The following PCDHGA8 variants were observed in gnomAD, a reference collection of about 807,000 sequenced individuals.
PCDHGA8 encodes protocadherin gamma subfamily A, 8.
In PCDHGA8, 45 loss-of-function variants were observed where a neutral mutation model predicts 59.2. The ratio of observed to expected loss-of-function variants is 0.76; its 90% CI spans 0.60 to 0.98. The LOEUF (loss-of-function observed/expected upper bound fraction) is 0.98. PCDHGA8 is among the 50% of genes least tolerant of loss of function. The pLI, the probability that PCDHGA8 is intolerant of heterozygous loss-of-function variation, is 0.00. For missense variants in PCDHGA8, 1,257 were observed against 1,196.2 expected, an observed-to-expected ratio of 1.05 and a Z score of -0.75; for synonymous variants, 531 against 519.0, an observed-to-expected ratio of 1.02 and a Z score of -0.32.
chr5:141,512,241 G>A lies in PCDHGA8; in HGVS notation c.*1068G>A, dbSNP rs533051658. On this transcript the variant is annotated 3_prime_UTR_variant, in exon 4 of 4. Coordinates refer to ENST00000398604, the MANE Select transcript of PCDHGA8 (RefSeq NM_032088.2). ...CCAGGTCCCCTTGAGAGGTCAGAGGGGCCTCTGTGGGTGCTGGGTACTCCA... is the reference window on the plus strand; with the variant it reads ...CCAGGTCCCCTTGAGAGGTCAGAGGAGCCTCTGTGGGTGCTGGGTACTCCA... 1 of 152,866 alleles carries A rather than the reference G, an allele frequency of 6.5e-6. No individual in the cohort carries two copies. The highest frequency in any genetic ancestry group is 2.1e-4 in the South Asian group (1 of 4,824). 9.5% of individuals were successfully genotyped at this position (152,866 alleles called of 1,614,324 possible).
chr5:141,396,962 T>C (rs2150689685), intron 1 of PCDHGA8, among the ~76,000 whole-genome samples: 1 of 152,308 alleles, frequency 6.6e-6, no homozygotes, highest in South Asian at 2.1e-4. Flanking sequence ...ATCCTTACTC[T>C]CCCTAAAAAT....
At chr5:141,447,837 G>A (rs952923627) in intron 1 of PCDHGA8, among the ~76,000 whole-genome samples, 10 of 152,170 alleles carry the variant, frequency 6.6e-5, no homozygotes, top group African/African-American at 2.4e-4. Flanking sequence ...TGTAATCCCA[G>A]TGCTTTGGGA....
chr5:141,471,972 T>C (rs952480654), intron 1 of PCDHGA8, among the ~76,000 whole-genome samples: 1 of 152,212 alleles, frequency 6.6e-6, no homozygotes, highest in South Asian at 2.1e-4. Context: ...GTTGCATTAC[T>C]GTATAAATTT....
chr5:141,415,761 T>TG (rs1485369884), intron 1 of PCDHGA8: 1 of 1,399,490 alleles, frequency 7.1e-7, no homozygotes, highest in Non-Finnish European at 9.3e-7. Flanking sequence ...TTTTTTTTTT[T>TG]TTTTTTTTTT....
chr5:141,466,121 C>CA (rs908379481), intron 1 of PCDHGA8, among the ~76,000 whole-genome samples: 24 of 146,876 alleles, frequency 1.6e-4, no homozygotes, highest in East Asian at 8.0e-4. Context: ...GACTCCAGCT[C>CA]AAAAAAAAAA....
intron 1 of PCDHGA8, chr5:141,398,136 C>G: frequency 6.4e-7 from 1 of 1,556,004 alleles, no homozygotes; most frequent in Non-Finnish European, 8.6e-7. Flanking sequence ...GGATGGGGAG[C>G]GGCGCCGGGG....
In PCDHGA8 at chr5:141,395,196, G is replaced by T. The variant is rs1431851304; in HGVS notation, c.2383G>T (p.Val795Leu). The T allele has an allele frequency of 6.2e-7, 1 of 1,613,948 alleles. No individual in the cohort carries two copies. Among genetic ancestry groups the T allele is most frequent in the Non-Finnish European group, 8.5e-7 (1 of 1,179,872 alleles). ...GAAAAATGATTCTTTGTTAACATCC[G>T]TAGATTTTCATGAATATAAGAATGA... ...CEKNDSLLTS[V>L]DFHEYKNEAD... The change falls in exon 1 of 4, where the codon GTA becomes TTA. Residue 795 changes from valine to leucine, a missense_variant. By Grantham distance (32) the Val-to-Leu change is conservative. Transcript: ENST00000398604.
Position 141,490,177 on chromosome 5 carries a change from T to C in PCDHGA8, c.2425-4630T>C, listed in dbSNP as rs780298274. 12 of 1,613,622 alleles carry C rather than the reference T, an allele frequency of 7.4e-6. No individual in the cohort carries two copies. The highest frequency in any genetic ancestry group is 1.0e-5 in the Non-Finnish European group (12 of 1,179,932). On this transcript the variant is annotated intron_variant, in intron 1 of 3. Transcript: ENST00000398604. This position sits in a 1 kb window ranked among gnomAD's most constrained non-coding sequence, Gnocchi z 5.4. The stretch of plus-strand genomic sequence containing the variant: ...GTTGGGTCCCATAGACTTTGAGGAG[T>C]CACGTTTCTATGAAATTCATGCAAG...
chr5:141,467,535 G>C (rs2099145685), intron 1 of PCDHGA8, among the ~76,000 whole-genome samples: 1 of 152,176 alleles, frequency 6.6e-6, no homozygotes, highest in South Asian at 2.1e-4. Flanking sequence ...GCTGAGATAT[G>C]GATCTGATTA....
chr5:141,409,452 A>T, intron 1 of PCDHGA8: 1 of 1,613,990 alleles, frequency 6.2e-7, no homozygotes, highest in Non-Finnish European at 8.5e-7. Context: ...CAGACACCAG[A>T]ATACAATGTC....
rs777990962 is a variant in PCDHGA8, at chr5:141,431,580, A to T, written c.2424+36343A>T. ...GCTACCGACCCTGACGAAGGAGTCA[A>T]TGCGGAAGTGAGGTATTCCTTCCGG... is the stretch of plus-strand genomic sequence containing the variant. On this transcript the variant is annotated intron_variant, in intron 1 of 3. Coordinates refer to ENST00000398604, the MANE Select transcript of PCDHGA8 (RefSeq NM_032088.2). The surrounding 1 kb of genome is among the most constrained non-coding windows in gnomAD (Gnocchi z 4.8). The T allele has an allele frequency of 6.2e-7, 1 of 1,614,216 alleles. No individual in the cohort carries two copies.
intron 2 of PCDHGA8, among the ~76,000 whole-genome samples, chr5:141,495,690 G>A (rs1261694815): frequency 1.3e-5 from 2 of 152,172 alleles, no homozygotes; most frequent in East Asian, 3.9e-4. Context: ...TGGCATAAGT[G>A]CTCAATAAAT....
In PCDHGA8 at chr5:141,493,664, G is replaced by A. The variant is rs2099749444; in HGVS notation, c.2425-1143G>A. Reference sequence around the variant, plus strand: ...TGGCCATCCCTGTGCCCTTCTCCATGGCAGCCCCAGAATGGTGCTGGTGAC... The same window carrying A: ...TGGCCATCCCTGTGCCCTTCTCCATAGCAGCCCCAGAATGGTGCTGGTGAC... On this transcript the variant is annotated intron_variant, in intron 1 of 3. Coordinates refer to ENST00000398604, the MANE Select transcript of PCDHGA8 (RefSeq NM_032088.2). This position sits in a 1 kb window ranked among gnomAD's most constrained non-coding sequence, Gnocchi z 4.3. Among the ~76,000 whole-genome samples, 1 of 152,136 alleles carries A rather than the reference G, an allele frequency of 6.6e-6. No homozygotes were observed. Among genetic ancestry groups the A allele is most frequent in the Non-Finnish European group, 1.5e-5 (1 of 68,026 alleles).
rs1394490963 is a variant in PCDHGA8 at position 141,393,307 on chromosome 5, A to G, written c.494A>G (p.Asn165Ser). The change falls in exon 1 of 4, where the codon AAC becomes AGC. Residue 165 changes from asparagine (N) to serine (S), a missense_variant. By Grantham distance (46) the Asn-to-Ser change is conservative. Coordinates refer to ENST00000398604, the MANE Select transcript of PCDHGA8 (RefSeq NM_032088.2). ...GCTGTTGACCCGGATGTGGGCGTGAACTCCCTCCAGAGCTACCAGCTCAGC... is the reference window on the plus strand; with the variant it reads ...GCTGTTGACCCGGATGTGGGCGTGAGCTCCCTCCAGAGCTACCAGCTCAGC... ...PEAVDPDVGV[N>S]SLQSYQLSPN... 4 of 1,613,476 alleles carry G rather than the reference A, an allele frequency of 2.5e-6. No homozygotes were observed. The highest frequency in any genetic ancestry group is 3.3e-5 in the Admixed American group (2 of 59,966).
intron 1 of PCDHGA8, among the ~76,000 whole-genome samples, chr5:141,425,585 A>G (rs1270579511): frequency 6.6e-6 from 1 of 152,252 alleles, no homozygotes; most frequent in African/African-American, 2.4e-5. Flanking sequence ...GGCTAACTTT[A>G]TTCTGAATAT....
chr5:141,470,123 C>T (rs368463710), intron 1 of PCDHGA8, among the ~76,000 whole-genome samples: 11 of 151,234 alleles, frequency 7.3e-5, no homozygotes, highest in Admixed American at 3.3e-4. Flanking sequence ...AGCAAGACTT[C>T]GTCTCAAAAA....
chr5:141,412,170 A>G (rs1015665615), intron 1 of PCDHGA8: 2 of 152,230 alleles, frequency 1.3e-5, no homozygotes, highest in Non-Finnish European at 1.5e-5. Context: ...GATTATTTAT[A>G]CTGGTATTAA....
At chr5:141,397,110 C>T (rs561188757) in intron 1 of PCDHGA8, among the ~76,000 whole-genome samples, 1 of 152,324 alleles carries the variant, frequency 6.6e-6, no homozygotes, top group African/African-American at 2.4e-5. Context: ...ATGCAATCCA[C>T]TAGAATATCC....
At chr5:141,399,504 A>G (rs754910149) in intron 1 of PCDHGA8, 3 of 1,614,000 alleles carry the variant, frequency 1.9e-6, no homozygotes, top group Non-Finnish European at 2.5e-6. Context: ...GTGTACCCGA[A>G]AACAACCCTC....
Sources: allele counts gnomAD v4.1 joint callset (sites outside exome capture counted in the v4.1 genomes callset), GRCh38; gene constraint gnomAD v4.1.1; non-coding constraint Gnocchi (gnomAD v3.1); transcripts MANE v1.5; gene names NCBI Gene and HGNC (gene_info 2026-07-23, HGNC 2026-07-21).